The following NOX4 variants were observed in gnomAD, a reference collection of about 807,000 sequenced individuals.
NOX4 encodes the protein kidney oxidase-1.
In NOX4, 69 loss-of-function variants were observed where a neutral mutation model predicts 87.6. The observed-to-expected ratio is 0.79, with a 90% confidence interval of 0.65 to 0.96. NOX4 has a LOEUF of 0.96. Among genes scored for constraint, NOX4 ranks in the 40% least tolerant of loss-of-function variants. The pLI is 0.00. For synonymous variants in NOX4, 275 were observed against 238.2 expected (o/e 1.15, Z -1.42); for missense variants, 680 against 681.5 (o/e 1.00, Z 0.02).
intron 2 of NOX4, among the ~76,000 whole-genome samples, chr11:89,459,492 G>C (rs184190852): frequency 6.6e-6 from 1 of 152,012 alleles, no homozygotes; most frequent in Admixed American, 6.6e-5. Context: ...GTGTAAAAAT[G>C]ACAAGCATTC....
At chr11:89,400,596 C>T (rs2135180260) in intron 9 of NOX4, among the ~76,000 whole-genome samples, 1 of 152,120 alleles carries the variant, frequency 6.6e-6, no homozygotes, top group South Asian at 2.1e-4. Flanking sequence ...AGACCCTACC[C>T]TCAATCTCAT....
intron 17 of NOX4, among the ~76,000 whole-genome samples, chr11:89,334,457 G>A (rs1418865767): frequency 6.6e-6 from 1 of 151,664 alleles, no homozygotes; most frequent in Non-Finnish European, 1.5e-5. Flanking sequence ...CATGGGTAAC[G>A]TTATTCCTTC....
At chr11:89,330,956 T>C (rs1405792244) in intron 17 of NOX4, among the ~76,000 whole-genome samples, 2 of 152,154 alleles carry the variant, frequency 1.3e-5, no homozygotes, top group East Asian at 3.9e-4. Context: ...AGTAAGCATA[T>C]TGAAAACTTG....
At chr11:89,542,671 T>A in the NOX4 span, among the ~76,000 whole-genome samples, 1 of 152,166 alleles carries the variant, frequency 6.6e-6, no homozygotes, top group Non-Finnish European at 1.5e-5. Flanking sequence ...TCTCCCTTTT[T>A]ATCCCTTTCT....
chr11:89,350,089 G>A (rs1461017393), intron 13 of NOX4, among the ~76,000 whole-genome samples: 1 of 152,028 alleles, frequency 6.6e-6, no homozygotes, highest in Non-Finnish European at 1.5e-5. Context: ...TCTGACAACT[G>A]TCACACCTAT....
chr11:89,343,597 C>CT (rs1420183716), intron 13 of NOX4, among the ~76,000 whole-genome samples: 3 of 152,056 alleles, frequency 2.0e-5, no homozygotes, highest in Non-Finnish European at 2.9e-5. Context: ...ACTTAAACCA[C>CT]TTTTTTTACA....
chr11:89,348,860 C>T (rs1306219674), intron 13 of NOX4, among the ~76,000 whole-genome samples: 1 of 152,186 alleles, frequency 6.6e-6, no homozygotes, highest in East Asian at 1.9e-4. Flanking sequence ...CTCTTTGAAT[C>T]TCAGTCCTCT....
intron 8 of NOX4, among the ~76,000 whole-genome samples, chr11:89,419,829 T>G (rs541393029): frequency 1.3e-5 from 2 of 152,094 alleles, no homozygotes; most frequent in African/African-American, 4.8e-5. Flanking sequence ...TGCTGATCCT[T>G]TAACAAAAAA....
rs1940300250 is a variant in NOX4 at position 89,381,749 on chromosome 11, G to T, written c.1075-8257C>A. ...TGTCCTCCTGCTCTTTGCTCCATGA[G>T]AAAGATCCACCTACAACCTCTGGTC... On this transcript the variant is annotated intron_variant, in intron 11 of 17. Transcript: ENST00000263317. Among the ~76,000 whole-genome samples, 3 of 152,130 alleles carry T rather than the reference G, an allele frequency of 2.0e-5. No individual in the cohort carries two copies. In the South Asian group the frequency reaches 6.2e-4, roughly 31 times the overall value.
chr11:89,445,538 A>G (rs749692736), intron 4 of NOX4, among the ~76,000 whole-genome samples: 1 of 152,204 alleles, frequency 6.6e-6, no homozygotes, highest in African/African-American at 2.4e-5. Context: ...TTAATGGAAC[A>G]GAATAGAGAG....
In NOX4 at chr11:89,432,797, T is replaced by C. The variant is rs767625517; in HGVS notation, c.535A>G (p.Thr179Ala). The change falls in exon 7 of 18, where the codon ACA (threonine) becomes GCA (alanine). Residue 179 changes from threonine (T) to alanine (A), a missense_variant. Coordinates refer to ENST00000263317, the MANE Select transcript of NOX4 (RefSeq NM_016931.5). The part of the protein sequence containing the change: ...VVLFLMITAS[T>A]YAIRVSNYDI... ...TCTGACACTTACCTTATTGCATATG[T>C]AGAGGCTGTGATCATGAGGAATAGC... is the stretch of plus-strand genomic sequence containing the variant. 4.3e-6 allele frequency: 7 copies of C among 1,609,376 alleles called. No individual in the cohort carries two copies. The highest frequency in any genetic ancestry group is 3.3e-5 in the South Asian group (3 of 90,922).
intron 9 of NOX4, among the ~76,000 whole-genome samples, chr11:89,401,716 C>T (rs1941865532): frequency 6.6e-6 from 1 of 152,054 alleles, no homozygotes; most frequent in African/African-American, 2.4e-5. Context: ...GCTTCCTCTG[C>T]CACTTACTGG....
At chr11:89,467,906 T>C (rs1466767107) in intron 2 of NOX4, among the ~76,000 whole-genome samples, 3 of 152,230 alleles carry the variant, frequency 2.0e-5, no homozygotes, top group African/African-American at 7.2e-5. Flanking sequence ...GTATAGTTAA[T>C]CATCGCATCA....
chr11:89,360,211 A>C (rs1330674754), intron 12 of NOX4, among the ~76,000 whole-genome samples: 1 of 152,084 alleles, frequency 6.6e-6, no homozygotes, highest in Non-Finnish European at 1.5e-5. Flanking sequence ...TAATGCAGGA[A>C]ATATTATCAG....
chr11:89,438,177 G>A (rs927114124), intron 6 of NOX4, among the ~76,000 whole-genome samples: 4 of 147,406 alleles, frequency 2.7e-5, no homozygotes, highest in African/African-American at 1.0e-4. Flanking sequence ...GAGATTACCT[G>A]CTTATAAGAA....
At chr11:89,382,319 C>T (rs1372695591) in intron 11 of NOX4, among the ~76,000 whole-genome samples, 1 of 152,100 alleles carries the variant, frequency 6.6e-6, no homozygotes, top group African/African-American at 2.4e-5. Flanking sequence ...AACCTAAATG[C>T]CTTATTTTCT....
intron 6 of NOX4, among the ~76,000 whole-genome samples, chr11:89,437,262 G>C (rs1339630675): frequency 6.6e-6 from 1 of 152,086 alleles, no homozygotes; most frequent in African/African-American, 2.4e-5. Flanking sequence ...CAGTTACTTG[G>C]GAGGCTGAGG....
chr11:89,425,873 C>A (rs1417605882), intron 7 of NOX4, among the ~76,000 whole-genome samples: 4 of 151,972 alleles, frequency 2.6e-5, no homozygotes, highest in African/African-American at 7.2e-5. Flanking sequence ...ATATATATAT[C>A]TGTGTTTCTG....
intron 13 of NOX4, among the ~76,000 whole-genome samples, chr11:89,343,771 A>G (rs1229720056): frequency 6.6e-6 from 1 of 152,142 alleles, no homozygotes; most frequent in Non-Finnish European, 1.5e-5. Flanking sequence ...AAGTCTTGCT[A>G]TAACATAGTA....
Sources: gnomAD v4.1 joint callset for allele counts (sites outside exome capture counted in the v4.1 genomes callset) on GRCh38, gnomAD v4.1.1 for gene constraint, MANE v1.5 for transcripts, NCBI Gene and HGNC (gene_info 2026-07-23, HGNC 2026-07-21) for gene names.